Variants in CDH18 observed in about 807,000 individuals in gnomAD.
The protein encoded by CDH18 is cadherin-18.
A neutral mutation model predicts 67.9 loss-of-function variants in CDH18; 31 were observed. The ratio of observed to expected loss-of-function variants is 0.46; its 90% confidence interval spans 0.34 to 0.62. The LOEUF (loss-of-function observed/expected upper bound fraction) is 0.62, where lower values mean the gene tolerates loss of function less well. Among genes scored for constraint, CDH18 ranks in the 20% least tolerant of loss-of-function variants. The pLI is 0.01. For synonymous variants in CDH18, 362 were observed against 347.2 expected, an observed-to-expected ratio of 1.04 and a Z score of -0.48; for missense variants, 890 against 975.5, an observed-to-expected ratio of 0.91 and a Z score of 1.17.
chr5:20,315,903 A>C (rs1448631564), intron 1 of CDH18, among the ~76,000 whole-genome samples: 1 of 152,050 alleles, frequency 6.6e-6, no homozygotes, highest in African/African-American at 2.4e-5. Context: ...TAATTTCCTC[A>C]AGTGCAGATT....
chr5:19,842,281 T>C (rs1782412587), intron 2 of CDH18, among the ~76,000 whole-genome samples: 1 of 152,162 alleles, frequency 6.6e-6, no homozygotes, highest in African/African-American at 2.4e-5. Context: ...CTATCTCTCA[T>C]CTTGATTTGT....
Position 19,721,408 on chromosome 5 carries a change from G to GCT in CDH18, c.580_581dup (p.Ser194ArgfsTer42). ...GGAGAATGCTGTAAACCACCCGAGC[G>GCT]CTGTTTCCATAGGTAGGGTCATCTG... On this transcript the variant is annotated frameshift_variant, in exon 5 of 13. Transcript: ENST00000382275. LOFTEE classifies it high-confidence loss of function. The GCT allele has an allele frequency of 6.2e-7, 1 of 1,610,222 alleles. No individual in the cohort carries two copies. Among genetic ancestry groups the GCT allele is most frequent in the Non-Finnish European group, 8.5e-7 (1 of 1,177,044 alleles).
intron 2 of CDH18, among the ~76,000 whole-genome samples, chr5:20,200,070 G>A (rs1739325319): frequency 6.6e-6 from 1 of 152,062 alleles, no homozygotes; most frequent in East Asian, 1.9e-4. Context: ...AAGATCTAAG[G>A]GAACAAACAC....
upstream of CDH18, chr5:19,992,090 T>A (rs1800017076): frequency 6.6e-6 from 1 of 150,406 alleles, no homozygotes. Flanking sequence ...AAGACATCTA[T>A]CAAGAAGGTT....
At chr5:20,014,893 C>T (rs1269636294) in intron 2 of CDH18, among the ~76,000 whole-genome samples, 2 of 152,048 alleles carry the variant, frequency 1.3e-5, no homozygotes, top group Non-Finnish European at 2.9e-5. Flanking sequence ...AGATACTTGT[C>T]TAAATTCTGA....
At chr5:20,541,669 A>G (rs941394631) in intron 1 of CDH18, among the ~76,000 whole-genome samples, 1 of 152,214 alleles carries the variant, frequency 6.6e-6, no homozygotes, top group Admixed American at 6.5e-5. Flanking sequence ...ATTCTGAAAA[A>G]TATGTCTCTC....
At chr5:20,073,027 A>C (rs1743620699) in intron 2 of CDH18, among the ~76,000 whole-genome samples, 1 of 151,982 alleles carries the variant, frequency 6.6e-6, no homozygotes, top group Admixed American at 6.6e-5. Flanking sequence ...CATATTTCTT[A>C]GTGTTTTTCT....
intron 1 of CDH18, among the ~76,000 whole-genome samples, chr5:20,294,365 GTCT>G (rs2149950249): frequency 6.6e-6 from 1 of 152,308 alleles, no homozygotes; most frequent in South Asian, 2.1e-4. Context: ...AAGCAATAAT[GTCT>G]ATCAACCAAG....
intron 3 of CDH18, among the ~76,000 whole-genome samples, chr5:19,811,249 G>A (rs1054401130): frequency 1.3e-5 from 2 of 152,018 alleles, no homozygotes; most frequent in Non-Finnish European, 2.9e-5. Flanking sequence ...AGAAGCATAT[G>A]TTAAAGCTCT....
intron 1 of CDH18, among the ~76,000 whole-genome samples, chr5:20,349,857 G>A (rs1741020874): frequency 6.6e-6 from 1 of 152,092 alleles, no homozygotes; most frequent in Non-Finnish European, 1.5e-5. Flanking sequence ...AGATAAACGA[G>A]CTGGAGCCAA....
At chr5:20,208,180 G>A (rs1291248259) in intron 2 of CDH18, among the ~76,000 whole-genome samples, 2 of 152,128 alleles carry the variant, frequency 1.3e-5, no homozygotes, top group Non-Finnish European at 2.9e-5. Flanking sequence ...ATGGCAGAAG[G>A]TGAAACAGGC....
In CDH18 at chr5:20,274,455, A is replaced by T. The variant is rs1580640145; in HGVS notation, c.-579-18950T>A. Among the ~76,000 whole-genome samples the T allele has an allele frequency of 2.0e-5, 3 of 152,164 alleles. No homozygotes were observed. In the South Asian group the frequency reaches 6.2e-4, roughly 31 times the overall value. On this transcript the variant is annotated intron_variant, in intron 1 of 14. Coordinates refer to the CDH18 transcript ENST00000507958. ...TAGAATGCATAGTGAGAGAAATCTG[A>T]CCAGTGTTTTCCTGGATCAGAAAGA...
Position 20,542,533 on chromosome 5 carries a change from T to C in CDH18, c.-580+32929A>G, listed in dbSNP as rs574020487. Among the ~76,000 whole-genome samples, 4 of 151,776 alleles carry C rather than the reference T, an allele frequency of 2.6e-5. No homozygotes were observed. In the South Asian group the frequency reaches 8.3e-4, roughly 32 times the overall value. On this transcript the variant is annotated intron_variant, in intron 1 of 14. Transcript: ENST00000507958. ...TGTGCGTATGCATATATATGCTATA[T>C]ATGCATATGGATATATATACATATA...
chr5:20,249,360 A>G (rs1336746932), intron 2 of CDH18, among the ~76,000 whole-genome samples: 1 of 150,680 alleles, frequency 6.6e-6, no homozygotes, highest in Non-Finnish European at 1.5e-5. Flanking sequence ...AAATTATGAA[A>G]TAACTATTAA....
intron 2 of CDH18, among the ~76,000 whole-genome samples, chr5:19,898,371 T>C: frequency 6.6e-6 from 1 of 152,048 alleles, no homozygotes; most frequent in Admixed American, 6.6e-5. Flanking sequence ...CTTTTTAATA[T>C]ACCATGTCTT....
chr5:20,284,112 G>A (rs1291539752), intron 1 of CDH18, among the ~76,000 whole-genome samples: 2 of 151,918 alleles, frequency 1.3e-5, no homozygotes, highest in African/African-American at 2.4e-5. Flanking sequence ...GGATGGTAGC[G>A]GGGAGTGGGC....
At chr5:20,483,821 G>T (rs1752988324) in intron 1 of CDH18, among the ~76,000 whole-genome samples, 1 of 151,898 alleles carries the variant, frequency 6.6e-6, no homozygotes, top group Non-Finnish European at 1.5e-5. Flanking sequence ...CTCAAACTAT[G>T]AAACTAGTAA....
At chr5:20,043,461 G>A (rs999069384) in intron 2 of CDH18, among the ~76,000 whole-genome samples, 1 of 152,138 alleles carries the variant, frequency 6.6e-6, no homozygotes, top group African/African-American at 2.4e-5. Flanking sequence ...CCAGGCCATA[G>A]AACTTGTGGA....
intron 5 of CDH18, among the ~76,000 whole-genome samples, chr5:19,671,987 G>T (rs1332048572): frequency 6.6e-6 from 1 of 152,058 alleles, no homozygotes. Context: ...AAATACAGAT[G>T]ATACATTATT....
Sources: allele counts gnomAD v4.1 joint callset (sites outside exome capture counted in the v4.1 genomes callset), GRCh38; gene constraint gnomAD v4.1.1; transcripts MANE v1.5; gene names NCBI Gene and HGNC (gene_info 2026-07-23, HGNC 2026-07-21).